SEMA3A: variants seen among roughly 807,000 people sequenced by gnomAD.
SEMA3A encodes semaphorin 3A, also known as semaphorin-3A.
SEMA3A carries 29 observed loss-of-function variants against 97.9 expected under a neutral mutation model. The ratio of observed to expected loss-of-function variants is 0.30; its 90% confidence interval spans 0.22 to 0.40. The LOEUF (loss-of-function observed/expected upper bound fraction) is 0.40, where lower values mean the gene tolerates loss of function less well. Among genes scored for constraint, SEMA3A ranks in the 10% least tolerant of loss-of-function variants. The pLI, the probability that SEMA3A is intolerant of heterozygous loss-of-function variation, is 1.00. For synonymous variants in SEMA3A, 321 were observed against 323.7 expected (o/e 0.99, Z 0.09); for missense variants, 763 against 951.3 (o/e 0.80, Z 2.60).
At chr7:84,141,838 C>T (rs150533952) in intron 1 of SEMA3A, among the ~76,000 whole-genome samples, 164 of 152,280 alleles carry the variant, frequency 1.1e-3, no homozygotes, top group African/African-American at 3.8e-3. Context: ...CCTCCAACTC[C>T]ATCCATGTCC....
chr7:84,206,312 A>G (rs1384441451), intron 3 of SEMA3A, among the ~76,000 whole-genome samples: 1 of 150,522 alleles, frequency 6.6e-6, no homozygotes. Flanking sequence ...TGTAGAAACC[A>G]AGATGGCATT....
chr7:84,142,520 T>C (rs766344650), intron 1 of SEMA3A, among the ~76,000 whole-genome samples: 2 of 152,208 alleles, frequency 1.3e-5, no homozygotes, highest in Non-Finnish European at 2.9e-5. Context: ...ATCAAAGGTC[T>C]GGGTCTTTCT....
chr7:84,406,929 A>C (rs1370499117), intron 1 of SEMA3A, among the ~76,000 whole-genome samples: 2 of 152,054 alleles, frequency 1.3e-5, no homozygotes, highest in South Asian at 2.1e-4. Context: ...CTATGACAAA[A>C]CCACAGCCAA....
chr7:84,137,400 C>CAAA (rs59886680), intron 1 of SEMA3A, among the ~76,000 whole-genome samples: 40,186 of 99,732 alleles, frequency 0.4, 8,224 homozygotes, highest in Non-Finnish European at 0.5. Context: ...CATTCAGTCT[C>CAAA]AAAAAAAAAA....
At chr7:84,452,119 C>T (rs1356035786) in intron 1 of SEMA3A, among the ~76,000 whole-genome samples, 1 of 152,098 alleles carries the variant, frequency 6.6e-6, no homozygotes, top group Non-Finnish European at 1.5e-5. Flanking sequence ...CACCTGACAA[C>T]AGCCAGAATA....
intron 15 of SEMA3A, among the ~76,000 whole-genome samples, chr7:83,965,059 A>AC (rs2116261271): frequency 6.6e-6 from 1 of 151,630 alleles, no homozygotes. Context: ...TACATTGAAT[A>AC]CTTTTTTTTC....
intron 3 of SEMA3A, among the ~76,000 whole-genome samples, chr7:84,126,084 A>T (rs533609160): frequency 6.6e-6 from 1 of 152,228 alleles, no homozygotes; most frequent in Non-Finnish European, 1.5e-5. Flanking sequence ...ACTCTATTAC[A>T]TATACTAATA....
chr7:84,255,800 T>TC (rs1403783337), intron 3 of SEMA3A, among the ~76,000 whole-genome samples: 32 of 129,254 alleles, frequency 2.5e-4, no homozygotes, highest in Non-Finnish European at 4.6e-4. Context: ...TCGGCACTGA[T>TC]TTTTTTTTTC....
At chr7:84,476,730 C>T (rs186773619) in intron 1 of SEMA3A, among the ~76,000 whole-genome samples, 3 of 151,900 alleles carry the variant, frequency 2.0e-5, no homozygotes, top group African/African-American at 4.8e-5. Flanking sequence ...AGTTAGAAAA[C>T]GCACAAATTA....
chr7:84,048,376 T>G (rs1445168688), intron 5 of SEMA3A, among the ~76,000 whole-genome samples: 1 of 152,018 alleles, frequency 6.6e-6, no homozygotes, highest in Non-Finnish European at 1.5e-5. Flanking sequence ...GCCTATTGTC[T>G]CCTTAATATT....
At chr7:84,283,903 A>G (rs1420019394) in intron 3 of SEMA3A, among the ~76,000 whole-genome samples, 2 of 152,114 alleles carry the variant, frequency 1.3e-5, no homozygotes, top group East Asian at 3.9e-4. Flanking sequence ...AATAAATTAA[A>G]TTTATTCCTT....
At chr7:84,438,738 C>A (rs1428961121) in intron 1 of SEMA3A, among the ~76,000 whole-genome samples, 2 of 151,916 alleles carry the variant, frequency 1.3e-5, no homozygotes, top group Admixed American at 1.3e-4. Context: ...ATAGAAACAA[C>A]CAAGAGTTTG....
intron 1 of SEMA3A, among the ~76,000 whole-genome samples, chr7:84,167,151 A>G (rs1488093049): frequency 6.6e-6 from 1 of 152,138 alleles, no homozygotes; most frequent in African/African-American, 2.4e-5. Flanking sequence ...AAATAAATAG[A>G]AGGGACCTAA....
At chr7:84,246,546 A>G (rs1273657755) in intron 3 of SEMA3A, among the ~76,000 whole-genome samples, 1 of 152,216 alleles carries the variant, frequency 6.6e-6, no homozygotes, top group Non-Finnish European at 1.5e-5. Flanking sequence ...GAAATAAGAA[A>G]TTCAACAGAT....
chr7:84,189,042 A>G (rs1234802233), intron 1 of SEMA3A, among the ~76,000 whole-genome samples: 1 of 151,882 alleles, frequency 6.6e-6, no homozygotes, highest in Non-Finnish European at 1.5e-5. Flanking sequence ...TATTAGTGGA[A>G]GCATAGAACT....
chr7:84,300,032 CAAA>C (rs58929555), intron 3 of SEMA3A, among the ~76,000 whole-genome samples: 2 of 53,314 alleles, frequency 3.8e-5, no homozygotes, highest in Non-Finnish European at 7.7e-5. Context: ...GACTCAGTCA[CAAA>C]AAAAAAAAAA....
At chr7:83,974,120 G>A (rs572242671) in intron 15 of SEMA3A, among the ~76,000 whole-genome samples, 4 of 152,238 alleles carry the variant, frequency 2.6e-5, no homozygotes, top group African/African-American at 4.8e-5. Context: ...TGTATGAGGT[G>A]TGAGTGGGAA....
At chr7:84,110,409 T>C (rs1795240982) in intron 4 of SEMA3A, 61 bp downstream of exon 4, 2 of 1,581,184 alleles carry the variant, frequency 1.3e-6, no homozygotes, top group Admixed American at 3.4e-5. Context: ...AAATTAGTAA[T>C]GAAGCATTTT....
intron 3 of SEMA3A, among the ~76,000 whole-genome samples, chr7:84,225,420 G>C (rs1798966699): frequency 6.6e-6 from 1 of 152,070 alleles, no homozygotes; most frequent in South Asian, 2.1e-4. Context: ...TCTATTTAGA[G>C]AAAGCAAGAT....
Sources: allele counts gnomAD v4.1 joint callset (sites outside exome capture counted in the v4.1 genomes callset), GRCh38; gene constraint gnomAD v4.1.1; transcripts MANE v1.5; gene names NCBI Gene and HGNC (gene_info 2026-07-23, HGNC 2026-07-21).